The following SENP6 variants were observed in gnomAD, a reference collection of about 807,000 sequenced individuals.
SENP6 encodes SUMO specific peptidase 6, also known as sentrin-specific protease 6.
A neutral mutation model predicts 134.5 loss-of-function variants in SENP6; 41 were observed. That is an observed-to-expected ratio of 0.30 (90% CI 0.24 to 0.40). SENP6 has a LOEUF of 0.40. Ranked by LOEUF, SENP6 falls within the 10% of genes least tolerant of loss-of-function variation. The pLI, the probability that SENP6 is intolerant of heterozygous loss-of-function variation, is 1.00. For synonymous variants in SENP6, 395 were observed against 429.8 expected (o/e 0.92, Z 1.00); for missense variants, 1,248 against 1,312.5 (o/e 0.95, Z 0.76).
intron 13 of SENP6, 109 bp downstream of exon 13, chr6:75,676,163 T>C (rs938568374): frequency 6.6e-6 from 4 of 603,358 alleles, no homozygotes; most frequent in Non-Finnish European, 7.9e-6. Context: ...AGGTGTATAT[T>C]ATCTACAATT....
chr6:75,666,917 A>G lies in SENP6; in HGVS notation c.1200A>G (p.Pro400=). The change falls in exon 10 of 24, where the codon CCA becomes CCG. Residue 400 remains proline, a synonymous_variant. Transcript: ENST00000447266. The part of the protein sequence containing the change: ...EDSELNTVTL[P]RKARMKDQFG... ...CAGAGTTAAATACAGTTACATTGCC[A>G]AGAAAAGCAAGAATGAAAGACCAGG... The G allele has an allele frequency of 6.2e-7, 1 of 1,600,558 alleles. No individual in the cohort carries two copies. Among genetic ancestry groups the G allele is most frequent in the South Asian group, 1.1e-5 (1 of 89,816 alleles).
intron 19 of SENP6, among the ~76,000 whole-genome samples, chr6:75,707,355 C>CTTCTTT (rs1775467834): frequency 1.3e-5 from 1 of 74,692 alleles, no homozygotes; most frequent in African/African-American, 5.2e-5. Context: ...TCTTCTTCTT[C>CTTCTTT]TTTTTTTTTT....
At chr6:75,687,437 G>A (rs573305918) in intron 16 of SENP6, among the ~76,000 whole-genome samples, 5 of 152,244 alleles carry the variant, frequency 3.3e-5, no homozygotes, top group East Asian at 1.9e-4. Context: ...GCTTTGTTCC[G>A]TTGCTGGCAA....
At chr6:75,618,474 A>T (rs1038515562) in intron 1 of SENP6, among the ~76,000 whole-genome samples, 2 of 152,156 alleles carry the variant, frequency 1.3e-5, no homozygotes, top group Non-Finnish European at 2.9e-5. Flanking sequence ...TGTAAGTTAC[A>T]CCAGGTTCAT....
At chr6:75,674,424 C>T (rs781488098) in intron 11 of SENP6, among the ~76,000 whole-genome samples, 12 of 152,046 alleles carry the variant, frequency 7.9e-5, no homozygotes, top group South Asian at 4.2e-4. Context: ...TGGGTTCAAG[C>T]GATTCTCCTG....
intron 10 of SENP6, among the ~76,000 whole-genome samples, chr6:75,668,317 GA>G (rs535305311): frequency 1.1e-3 from 166 of 152,188 alleles, no homozygotes; most frequent in African/African-American, 3.8e-3. Context: ...TTGATTAAAT[GA>G]AAAGTAGAAC....
intron 7 of SENP6, chr6:75,655,106 T>G (rs1416593685): frequency 6.6e-6 from 1 of 152,284 alleles, no homozygotes; most frequent in Non-Finnish European, 1.5e-5. Flanking sequence ...CAGCTACTTG[T>G]ATACCCTTGA....
chr6:75,633,612 G>A lies in SENP6; in HGVS notation c.239G>A (p.Ser80Asn). The A allele has an allele frequency of 6.2e-7, 1 of 1,604,466 alleles. No individual in the cohort carries two copies. Among genetic ancestry groups the A allele is most frequent in the Non-Finnish European group, 8.5e-7 (1 of 1,177,350 alleles). ...CGTCGATCTGAAATTGTTGCTAATA[G>A]CTCTGGTGAATTCATCTTGAAGACA... ...LNRRSEIVAN[S>N]SGEFILKTYV... Residue 80 changes from serine (S) to asparagine (N), a missense_variant, in exon 4 of 24, where the codon AGC becomes AAC. Physicochemically the swap from Ser to Asn is conservative, Grantham distance 46 (BLOSUM62 1). This residue lies in a region of SENP6 where 733 missense variants were observed against 725.4 expected (regional missense o/e 1.01). Transcript: ENST00000447266.
chr6:75,701,633 C>CTTTTTTTTTTTTTTTTT (rs60715314), intron 18 of SENP6, among the ~76,000 whole-genome samples: 1 of 80,114 alleles, frequency 1.2e-5, no homozygotes, highest in African/African-American at 5.0e-5. Flanking sequence ...ACAGTTTAAT[C>CTTTTTTTTTTTTTTTTT]TTTTTTTTTT....
chr6:75,609,918 G>T (rs189465449), intron 1 of SENP6, among the ~76,000 whole-genome samples: 27 of 152,174 alleles, frequency 1.8e-4, no homozygotes, highest in African/African-American at 6.3e-4. Flanking sequence ...CTCCCTAGTA[G>T]CTGGGATTAC....
In SENP6 at chr6:75,713,757, G is replaced by A; in HGVS notation, c.3061G>A (p.Val1021Ile). 5 of 1,613,542 alleles carry A rather than the reference G, an allele frequency of 3.1e-6. No individual in the cohort carries two copies. The highest frequency in any genetic ancestry group is 4.2e-6 in the Non-Finnish European group (5 of 1,179,684). ...KDVMKGSNPK[V>I]PQQNNFSDCG... ...TGTTATGAAGGGCTCTAATCCAAAAGTACCACAGCAAAACAACTTCAGTGA... is the reference window on the plus strand; with the variant it reads ...TGTTATGAAGGGCTCTAATCCAAAAATACCACAGCAAAACAACTTCAGTGA... Residue 1021 changes from valine (V) to isoleucine (I), a missense_variant, in exon 23 of 24, where the codon GTA becomes ATA. Physicochemically the swap from Val to Ile is conservative, Grantham distance 29 (BLOSUM62 3). Coordinates refer to ENST00000447266, the MANE Select transcript of SENP6 (RefSeq NM_015571.4).
chr6:75,657,528 G>A (rs984159689), intron 7 of SENP6, among the ~76,000 whole-genome samples: 15 of 152,154 alleles, frequency 9.9e-5, no homozygotes, highest in African/African-American at 3.4e-4. Flanking sequence ...AGATGACATA[G>A]TGACAATGTC....
intron 14 of SENP6, 99 bp downstream of exon 14, chr6:75,677,355 T>TTTTAATTTTATTTTAA (rs1184592837): frequency 4.7e-6 from 4 of 842,228 alleles, no homozygotes; most frequent in Non-Finnish European, 7.1e-6. Context: ...TGTTAAATCT[T>TTTTAATTTTATTTTAA]TTTAATTTTA....
intron 2 of SENP6, 126 bp downstream of exon 2, chr6:75,621,751 A>G: frequency 1.8e-6 from 1 of 563,320 alleles, no homozygotes; most frequent in East Asian, 3.1e-5. Flanking sequence ...ACTCTTTCAC[A>G]GTCGCTTTAA....
Position 75,675,842 on chromosome 6 carries a change from T to G in SENP6, c.1427-18T>G. The G allele has an allele frequency of 6.4e-7, 1 of 1,555,624 alleles. No homozygotes were observed. Among genetic ancestry groups the G allele is most frequent in the South Asian group, 1.2e-5 (1 of 81,582 alleles). On this transcript the variant is annotated intron_variant, in intron 12 of 23. Coordinates refer to ENST00000447266, the MANE Select transcript of SENP6 (RefSeq NM_015571.4). ...CCCTCTTAAGAATTATTTTTCCATTTCATTTGTTTTCCTCCAGAACCAGAC... is the reference window on the plus strand; with the variant it reads ...CCCTCTTAAGAATTATTTTTCCATTGCATTTGTTTTCCTCCAGAACCAGAC...
At chr6:75,631,659 A>G (rs1000515524) in intron 3 of SENP6, among the ~76,000 whole-genome samples, 1 of 152,238 alleles carries the variant, frequency 6.6e-6, no homozygotes, top group African/African-American at 2.4e-5. Flanking sequence ...GCTTATTTAT[A>G]AATTGTCTAT....
At chr6:75,640,440 C>T (rs576781856) in intron 5 of SENP6, among the ~76,000 whole-genome samples, 2 of 151,614 alleles carry the variant, frequency 1.3e-5, no homozygotes, top group South Asian at 4.2e-4. Context: ...TAGTTAAAGC[C>T]CTTTTAAGAT....
intron 2 of SENP6, among the ~76,000 whole-genome samples, chr6:75,623,235 T>A (rs1009222305): frequency 5.9e-5 from 9 of 152,190 alleles, no homozygotes; most frequent in Non-Finnish European, 1.5e-5. Context: ...GTCTTTACGG[T>A]GCTAGCTGTC....
At chr6:75,642,794 A>G (rs2784730) in intron 6 of SENP6, among the ~76,000 whole-genome samples, 47,680 of 152,154 alleles carry the variant, frequency 0.31, 8,806 homozygotes, top group Admixed American at 0.48. Context: ...ATCAGTGGCA[A>G]TCAGTTAAGG....
Sources: allele counts gnomAD v4.1 joint callset (sites outside exome capture counted in the v4.1 genomes callset), GRCh38; gene constraint gnomAD v4.1.1; regional missense constraint gnomAD v4.1.1; transcripts MANE v1.5; gene names NCBI Gene and HGNC (gene_info 2026-07-23, HGNC 2026-07-21).